The following PHACTR2 variants were observed in gnomAD, a reference collection of about 807,000 sequenced individuals.
The protein encoded by PHACTR2 is phosphatase and actin regulator 2, also known as chromosome 6 open reading frame 56.
In PHACTR2, 30 loss-of-function variants were observed where a neutral mutation model predicts 76.0. The observed-to-expected ratio is 0.39, with a 90% CI of 0.30 to 0.54. The LOEUF (loss-of-function observed/expected upper bound fraction) is 0.54. PHACTR2 is among the 20% of genes least tolerant of loss of function. PHACTR2 has a pLI of 0.61. For synonymous variants in PHACTR2, 292 were observed against 292.5 expected, an observed-to-expected ratio of 1.00 and a Z score of 0.02; for missense variants, 696 against 781.1, an observed-to-expected ratio of 0.89 and a Z score of 1.30.
chr6:143,780,127 T>C lies in PHACTR2; in HGVS notation c.1645+2744T>C, dbSNP rs981795103. On this transcript the variant is annotated intron_variant, in intron 9 of 12. Coordinates refer to ENST00000440869, the MANE Select transcript of PHACTR2 (RefSeq NM_001100164.2). This position sits in a 1 kb window ranked among gnomAD's most constrained non-coding sequence, Gnocchi z 4.4. ...TAGGCCATTGAGTTCTGCATATATT[T>C]TTCCCCAACATTTTATTATGAAAAT... Among the ~76,000 whole-genome samples the C allele has an allele frequency of 1.3e-5, 2 of 152,078 alleles. No homozygotes were observed. Among genetic ancestry groups the C allele is most frequent in the Non-Finnish European group, 2.9e-5 (2 of 68,012 alleles).
rs1776401418 is a variant in PHACTR2, at chr6:143,820,748, C to A, written c.1923-2926C>A. 6.6e-6 allele frequency among the ~76,000 whole-genome samples: 1 copy of A among 152,214 alleles called. No individual in the cohort carries two copies. The highest frequency in any genetic ancestry group is 2.1e-4 in the South Asian group (1 of 4,832). On this transcript the variant is annotated intron_variant, in intron 12 of 12. Coordinates refer to ENST00000440869, the MANE Select transcript of PHACTR2 (RefSeq NM_001100164.2). The surrounding 1 kb of genome is among the most constrained non-coding windows in gnomAD (Gnocchi z 4.2). ...CTTTTCACAGTTCCACTAGGCAATG[C>A]CCCAGCAGAGACCCTTTGTGGAATC... is the stretch of plus-strand genomic sequence containing the variant.
At chr6:143,661,149 T>C (rs913222903) in intron 1 of PHACTR2, among the ~76,000 whole-genome samples, 5 of 152,188 alleles carry the variant, frequency 3.3e-5, no homozygotes, top group Admixed American at 1.3e-4. Flanking sequence ...AAACTCTAGA[T>C]GAAGTAAGAT....
At position 143,827,999 on chromosome 6, in the gene PHACTR2, A is replaced by C. The variant is rs974687400; in HGVS notation, c.*4310A>C. ...CTCTACTGAAAATACAAAAAAAAAAAAGTATCTGGGCATGGTGGCTTGTGC... is the reference window on the plus strand; with the variant it reads ...CTCTACTGAAAATACAAAAAAAAAACAGTATCTGGGCATGGTGGCTTGTGC... On this transcript the variant is annotated 3_prime_UTR_variant, in exon 13 of 13. Coordinates refer to ENST00000440869, the MANE Select transcript of PHACTR2 (RefSeq NM_001100164.2). 2 of 151,804 alleles carry C rather than the reference A, an allele frequency of 1.3e-5. No homozygotes were observed. Among genetic ancestry groups the C allele is most frequent in the Non-Finnish European group, 2.9e-5 (2 of 67,948 alleles). The allele number at this position is 151,804 out of a possible 1,614,324, so 9.4% of individuals were successfully genotyped here.
In PHACTR2 at chr6:143,689,115, C is replaced by T. The variant is rs1406339920; in HGVS notation, c.46+10906C>T. Among the ~76,000 whole-genome samples the T allele has an allele frequency of 2.6e-5, 4 of 152,188 alleles. No homozygotes were observed. The highest frequency in any genetic ancestry group is 4.8e-5 in the African/African-American group (2 of 41,438). Reference sequence around the variant, plus strand: ...TTGAGACACTCTTCCCTTCGCTCTTCGCCAAGCTGACTCCTTGTTTCGGCT... The same window carrying T: ...TTGAGACACTCTTCCCTTCGCTCTTTGCCAAGCTGACTCCTTGTTTCGGCT... On this transcript the variant is annotated intron_variant, in intron 1 of 12. Transcript: ENST00000440869. The surrounding 1 kb of genome is among the most constrained non-coding windows in gnomAD (Gnocchi z 4.4).
At position 143,696,222 on chromosome 6, in the gene PHACTR2, C is replaced by T. The variant is rs1258541813; in HGVS notation, c.47-15794C>T. Among the ~76,000 whole-genome samples, 1 of 152,072 alleles carries T rather than the reference C, an allele frequency of 6.6e-6. No individual in the cohort carries two copies. Among genetic ancestry groups the T allele is most frequent in the Non-Finnish European group, 1.5e-5 (1 of 68,032 alleles). On this transcript the variant is annotated intron_variant, in intron 1 of 12. Transcript: ENST00000440869. The surrounding 1 kb of genome is among the most constrained non-coding windows in gnomAD (Gnocchi z 4.1). ...GCTATAGAGTAGTGGGGATTTCCCT[C>T]GAGTCTTAGTTGGTTTTAGCAGCTC...
Position 143,757,865 on chromosome 6 carries a change from T to C in PHACTR2, c.455-2536T>C, listed in dbSNP as rs191147169. On this transcript the variant is annotated intron_variant, in intron 4 of 12. Transcript: ENST00000440869. The surrounding 1 kb of genome is among the most constrained non-coding windows in gnomAD (Gnocchi z 4.2). ...GTTTACAGCATTGTGTTCGATGGAA[T>C]TTTAAATTTCAGACAAAAGGAGTTT... is the stretch of plus-strand genomic sequence containing the variant. Among the ~76,000 whole-genome samples, 77 of 152,302 alleles carry C rather than the reference T, an allele frequency of 5.1e-4. 1 individual carries two copies. In the East Asian group the frequency reaches 0.014, roughly 27 times the overall value.
Position 143,616,780 on chromosome 6 carries a change from G to C in PHACTR2, c.13+8458G>C, listed in dbSNP as rs772083489. 1.3e-5 allele frequency among the ~76,000 whole-genome samples: 2 copies of C among 152,160 alleles called. No homozygotes were observed. Among genetic ancestry groups the C allele is most frequent in the African/African-American group, 2.4e-5 (1 of 41,430 alleles). On this transcript the variant is annotated intron_variant, in intron 1 of 11. Transcript: ENST00000305766. This position sits in a 1 kb window ranked among gnomAD's most constrained non-coding sequence, Gnocchi z 4.9. ...TTGGGGTGGAGGCTACGCCAGACTC[G>C]GTAGTCAGAGAAAGCTTCCTAAGGA...
intron 2 of PHACTR2, among the ~76,000 whole-genome samples, chr6:143,741,917 C>T (rs1463725214): frequency 6.6e-6 from 1 of 152,034 alleles, no homozygotes; most frequent in Non-Finnish European, 1.5e-5. Flanking sequence ...GCCTGGCCAA[C>T]GTGGTGAAAC....
chr6:143,790,553 T>C (rs2128480110), intron 11 of PHACTR2, among the ~76,000 whole-genome samples: 1 of 152,370 alleles, frequency 6.6e-6, no homozygotes, highest in East Asian at 1.9e-4. Context: ...ATTGGGCATT[T>C]GGATACCACT....
rs1302740136 is a variant in PHACTR2 at position 143,803,722 on chromosome 6, G to C, written c.1846-3335G>C. On this transcript the variant is annotated intron_variant, in intron 11 of 12. Coordinates refer to ENST00000440869, the MANE Select transcript of PHACTR2 (RefSeq NM_001100164.2). The surrounding 1 kb of genome is among the most constrained non-coding windows in gnomAD (Gnocchi z 4.7). ...AGAAAGGCTGTGTTTTCTAGGATTT[G>C]ACATTTTCAGCAATAGAGAAATACT... 1.3e-5 allele frequency among the ~76,000 whole-genome samples: 2 copies of C among 152,150 alleles called. No homozygotes were observed. The highest frequency in any genetic ancestry group is 4.8e-5 in the African/African-American group (2 of 41,428).
chr6:143,723,581 T>C (rs1462471697), intron 2 of PHACTR2, among the ~76,000 whole-genome samples: 1 of 152,208 alleles, frequency 6.6e-6, no homozygotes, highest in Non-Finnish European at 1.5e-5. Context: ...TTCACTGAGC[T>C]TCTACCCTAT....
rs142490954 is a variant in PHACTR2, at chr6:143,820,951, T to C, written c.1923-2723T>C. On this transcript the variant is annotated intron_variant, in intron 12 of 12. Coordinates refer to ENST00000440869, the MANE Select transcript of PHACTR2 (RefSeq NM_001100164.2). This position sits in a 1 kb window ranked among gnomAD's most constrained non-coding sequence, Gnocchi z 4.2. Reference sequence around the variant, plus strand: ...CTGTGCATCTGCAGGCTTAACATCATGTAGAAGCTGTCAAGGCTTTCAGCT... The same window carrying C: ...CTGTGCATCTGCAGGCTTAACATCACGTAGAAGCTGTCAAGGCTTTCAGCT... Among the ~76,000 whole-genome samples the C allele has an allele frequency of 4.6e-3, 706 of 152,338 alleles. 7 individuals are homozygous for C. Among genetic ancestry groups the C allele is most frequent in the African/African-American group, 0.016 (653 of 41,578 alleles).
rs1477632416 is a variant in PHACTR2 at position 143,765,952 on chromosome 6, G to A, written c.1232+154G>A. ...GTGATCCAACCATTGCTTTGTCAGA[G>A]CCCTGCCCTGGGAATGCCTAGGGCT... On this transcript the variant is annotated intron_variant, in intron 6 of 12. Coordinates refer to ENST00000440869, the MANE Select transcript of PHACTR2 (RefSeq NM_001100164.2). The surrounding 1 kb of genome is among the most constrained non-coding windows in gnomAD (Gnocchi z 4.1). Among the ~76,000 whole-genome samples the A allele has an allele frequency of 6.6e-6, 1 of 152,182 alleles. No homozygotes were observed. The highest frequency in any genetic ancestry group is 1.5e-5 in the Non-Finnish European group (1 of 68,038).
At position 143,543,036 on chromosome 6, in the gene PHACTR2, T is replaced by C. The variant is rs1395970802; in HGVS notation, c.217+5829T>C. Among the ~76,000 whole-genome samples the C allele has an allele frequency of 6.6e-6, 1 of 152,242 alleles. No individual in the cohort carries two copies. The highest frequency in any genetic ancestry group is 1.5e-5 in the Non-Finnish European group (1 of 68,046). On this transcript the variant is annotated intron_variant, in intron 1 of 11. Coordinates refer to the PHACTR2 transcript ENST00000367584. This position sits in a 1 kb window ranked among gnomAD's most constrained non-coding sequence, Gnocchi z 4.7. ...AAGGTGAGCAGATGTGATTCTGTGA[T>C]TCTGGAGTTAGACTGAAAGCAGAGA... is the stretch of plus-strand genomic sequence containing the variant.
Position 143,783,796 on chromosome 6 carries a change from T to G in PHACTR2, c.1707+516T>G, listed in dbSNP as rs949312014. ...TTAAAGACACAAAAAAAGAAAAAAA[T>G]AAAATCATGTCTTTCATTCAGAGAC... On this transcript the variant is annotated intron_variant, in intron 10 of 12. Coordinates refer to ENST00000440869, the MANE Select transcript of PHACTR2 (RefSeq NM_001100164.2). This position sits in a 1 kb window ranked among gnomAD's most constrained non-coding sequence, Gnocchi z 5.2. Among the ~76,000 whole-genome samples the G allele has an allele frequency of 8.6e-5, 13 of 151,920 alleles. No homozygotes were observed. The highest frequency in any genetic ancestry group is 7.2e-4 in the Admixed American group (11 of 15,250).
chr6:143,821,157 C>T lies in PHACTR2; in HGVS notation c.1923-2517C>T, dbSNP rs985051222. Among the ~76,000 whole-genome samples, 2 of 152,230 alleles carry T rather than the reference C, an allele frequency of 1.3e-5. No homozygotes were observed. The highest frequency in any genetic ancestry group is 2.4e-5 in the African/African-American group (1 of 41,470). ...CTCTGTGTATCAAATGCAGGCATGG[C>T]GGTCCTCACATCTGCCCAAGGTTAC... On this transcript the variant is annotated intron_variant, in intron 12 of 12. Transcript: ENST00000440869. The surrounding 1 kb of genome is among the most constrained non-coding windows in gnomAD (Gnocchi z 5.2).
chr6:143,593,162 T>C (rs988248345), intron 1 of PHACTR2, among the ~76,000 whole-genome samples: 7 of 151,276 alleles, frequency 4.6e-5, no homozygotes, highest in African/African-American at 1.7e-4. Flanking sequence ...CCACTAGGCA[T>C]CAGGTTGTGT....
chr6:143,665,577 T>G (rs566389391), intron 1 of PHACTR2, among the ~76,000 whole-genome samples: 1 of 152,330 alleles, frequency 6.6e-6, no homozygotes, highest in Non-Finnish European at 1.5e-5. Context: ...ATCTTTTGTC[T>G]CCCACACCCC....
At chr6:143,564,951 A>G (rs1010594322) in intron 1 of PHACTR2, among the ~76,000 whole-genome samples, 2 of 152,214 alleles carry the variant, frequency 1.3e-5, no homozygotes, top group East Asian at 1.9e-4. Flanking sequence ...GGTGTAAAAC[A>G]TTGGTTTTAC....
Sources: gnomAD v4.1 joint callset for allele counts (sites outside exome capture counted in the v4.1 genomes callset) on GRCh38, gnomAD v4.1.1 for gene constraint, Gnocchi (gnomAD v3.1) non-coding constraint, MANE v1.5 for transcripts, NCBI Gene and HGNC (gene_info 2026-07-23, HGNC 2026-07-21) for gene names.